The following PDE4D variants were observed in gnomAD, a reference collection of about 807,000 sequenced individuals.
PDE4D encodes the protein 3',5'-cyclic-AMP phosphodiesterase 4D.
In PDE4D, 24 loss-of-function variants were observed where a neutral mutation model predicts 87.4. That is an observed-to-expected ratio of 0.27 (90% CI 0.20 to 0.39). The LOEUF is 0.39. Among genes scored for constraint, PDE4D ranks in the 10% least tolerant of loss-of-function variants. PDE4D has a pLI of 1.00. For missense variants in PDE4D, 714 were observed against 1,041.0 expected (o/e 0.69, Z 4.32); for synonymous variants, 384 against 383.2 (o/e 1.00, Z -0.02).
At chr5:59,487,204 G>A (rs1349447406) in intron 1 of PDE4D, among the ~76,000 whole-genome samples, 4 of 152,190 alleles carry the variant, frequency 2.6e-5, no homozygotes, top group African/African-American at 9.7e-5. Context: ...AAGAAGAGAT[G>A]TAACAATGAT....
intron 1 of PDE4D, among the ~76,000 whole-genome samples, chr5:59,300,749 G>A (rs952649714): frequency 6.6e-5 from 10 of 152,006 alleles, no homozygotes; most frequent in African/African-American, 2.4e-4. Flanking sequence ...TGTCTACCTG[G>A]AGATAATGTC....
At chr5:60,440,276 A>G (rs1013793656) in intron 1 of PDE4D, among the ~76,000 whole-genome samples, 4 of 152,114 alleles carry the variant, frequency 2.6e-5, no homozygotes, top group Non-Finnish European at 2.9e-5. Flanking sequence ...CCTTCCTTCT[A>G]TATTCATTCA....
chr5:59,089,772 C>G (rs2153427794), intron 5 of PDE4D, among the ~76,000 whole-genome samples: 1 of 152,238 alleles, frequency 6.6e-6, no homozygotes, highest in South Asian at 2.1e-4. Context: ...GTTTCATTGT[C>G]CTTGTACCCC....
chr5:59,633,863 G>A (rs1831890621), intron 1 of PDE4D, among the ~76,000 whole-genome samples: 1 of 152,118 alleles, frequency 6.6e-6, no homozygotes, highest in Non-Finnish European at 1.5e-5. Flanking sequence ...GCATCATAAT[G>A]ACAGGATCAA....
chr5:59,766,503 T>A (rs1762811996), intron 1 of PDE4D, among the ~76,000 whole-genome samples: 1 of 152,186 alleles, frequency 6.6e-6, no homozygotes, highest in South Asian at 2.1e-4. Context: ...GTCTAAATAG[T>A]TCAGATAACC....
At chr5:59,344,432 T>C (rs1211651130) in intron 1 of PDE4D, among the ~76,000 whole-genome samples, 1 of 152,184 alleles carries the variant, frequency 6.6e-6, no homozygotes, top group Non-Finnish European at 1.5e-5. Flanking sequence ...AGATGAGGTC[T>C]CACTCTGTTG....
At chr5:60,337,007 C>T (rs1428349887) in intron 1 of PDE4D, among the ~76,000 whole-genome samples, 2 of 151,970 alleles carry the variant, frequency 1.3e-5, no homozygotes, top group African/African-American at 2.4e-5. Flanking sequence ...AGTTGTAGAA[C>T]TATGATAACT....
intron 1 of PDE4D, among the ~76,000 whole-genome samples, chr5:59,295,362 A>G (rs1049065386): frequency 2.0e-5 from 3 of 152,198 alleles, no homozygotes; most frequent in Admixed American, 1.3e-4. Context: ...TTTGGTGTTA[A>G]CTGAGGCCTT....
chr5:59,140,913 T>C (rs1038540109), intron 5 of PDE4D, among the ~76,000 whole-genome samples: 2 of 152,234 alleles, frequency 1.3e-5, no homozygotes. Context: ...TCAGGAATCA[T>C]CAGCGTATTC....
intron 1 of PDE4D, among the ~76,000 whole-genome samples, chr5:60,264,756 C>G (rs767319362): frequency 6.6e-6 from 1 of 152,148 alleles, no homozygotes. Context: ...GTTGGAAGAA[C>G]CTGGAGAAGT....
chr5:59,242,594 C>T (rs1757895011), intron 1 of PDE4D, among the ~76,000 whole-genome samples: 1 of 152,156 alleles, frequency 6.6e-6, no homozygotes, highest in South Asian at 2.1e-4. Flanking sequence ...TAAAATTGTA[C>T]ATTTACATTT....
intron 6 of PDE4D, chr5:58,999,384 AAAG>A: frequency 2.2e-6 from 1 of 462,984 alleles, no homozygotes; most frequent in South Asian, 4.4e-5. Flanking sequence ...ATGTGTAAGG[AAAG>A]AATACATAAC....
At chr5:59,235,419 G>A (rs1229637720) in intron 1 of PDE4D, among the ~76,000 whole-genome samples, 3 of 152,156 alleles carry the variant, frequency 2.0e-5, no homozygotes, top group African/African-American at 7.2e-5. Context: ...ATAAGTGATG[G>A]GATTGGGAGT....
intron 1 of PDE4D, among the ~76,000 whole-genome samples, chr5:59,523,414 T>A (rs1405899089): frequency 6.6e-6 from 1 of 152,242 alleles, no homozygotes; most frequent in Non-Finnish European, 1.5e-5. Context: ...ATTTCACATA[T>A]CTAAATTTCC....
At chr5:60,035,822 C>A (rs1332077928) in intron 2 of PDE4D, among the ~76,000 whole-genome samples, 1 of 152,100 alleles carries the variant, frequency 6.6e-6, no homozygotes. Flanking sequence ...GTCATGCGGG[C>A]CCCTCCTAAA....
At chr5:59,569,645 T>C (rs1397786074) in intron 1 of PDE4D, among the ~76,000 whole-genome samples, 1 of 152,238 alleles carries the variant, frequency 6.6e-6, no homozygotes, top group Non-Finnish European at 1.5e-5. Context: ...TAATCTCTTT[T>C]ACTGCAGGTG....
At position 59,011,992 on chromosome 5, in the gene PDE4D, C is replaced by A. The variant is rs557745635; in HGVS notation, c.922-18527G>T. Among the ~76,000 whole-genome samples, 3 of 152,244 alleles carry A rather than the reference C, an allele frequency of 2.0e-5. No individual in the cohort carries two copies. In the East Asian group the frequency reaches 5.8e-4, roughly 29 times the overall value. ...TCTATAAGCCAGAAGAGAGTGGGGG[C>A]CAATATTCAACATTCTTAAAGGAAA... On this transcript the variant is annotated intron_variant, in intron 6 of 14. Transcript: ENST00000340635.
intron 3 of PDE4D, among the ~76,000 whole-genome samples, chr5:59,984,960 G>A (rs1445448324): frequency 6.6e-6 from 1 of 151,828 alleles, no homozygotes; most frequent in African/African-American, 2.4e-5. Context: ...GTTGGCAATG[G>A]GACTTAAAGG....
intron 1 of PDE4D, among the ~76,000 whole-genome samples, chr5:59,679,974 T>C (rs1748732587): frequency 6.6e-6 from 1 of 152,116 alleles, no homozygotes; most frequent in Admixed American, 6.5e-5. Flanking sequence ...AGGAAGCTAT[T>C]AATATTTTAA....
Sources: allele counts gnomAD v4.1 joint callset (sites outside exome capture counted in the v4.1 genomes callset), GRCh38; gene constraint gnomAD v4.1.1; transcripts MANE v1.5; gene names NCBI Gene and HGNC (gene_info 2026-07-23, HGNC 2026-07-21).